WASHC2C: variants seen among roughly 807,000 people sequenced by gnomAD.
WASHC2C encodes WASH complex subunit 2C.
In WASHC2C, 73 loss-of-function variants were observed where a neutral mutation model predicts 142.2. The ratio of observed to expected loss-of-function variants is 0.51; its 90% CI spans 0.43 to 0.62. The LOEUF is 0.62. Ranked by LOEUF, WASHC2C falls within the 20% of genes least tolerant of loss-of-function variation. The probability of loss-of-function intolerance (pLI) is 0.00; values close to 1 mark genes in which losing one functional copy is unlikely to be tolerated. For missense variants in WASHC2C, 969 were observed against 1,531.7 expected, an observed-to-expected ratio of 0.63 and a Z score of 6.13; for synonymous variants, 337 against 565.5, an observed-to-expected ratio of 0.60 and a Z score of 5.73.
At chr10:45,740,716 C>T (rs1395904820) in intron 5 of WASHC2C, among the ~76,000 whole-genome samples, 3 of 152,288 alleles carry the variant, frequency 2.0e-5, no homozygotes, top group African/African-American at 4.8e-5. Flanking sequence ...GGGTTGTTTC[C>T]GGTTTGGGCA....
At chr10:45,727,738 C>G (rs942074981) in intron 2 of WASHC2C, among the ~76,000 whole-genome samples, 199 bp downstream of exon 2, 1 of 152,118 alleles carries the variant, frequency 6.6e-6, no homozygotes, top group African/African-American at 2.4e-5. Context: ...CTGACCGTGG[C>G]CCAGACGCGA....
At chr10:45,780,156 G>A (rs1312650198) in intron 23 of WASHC2C, among the ~76,000 whole-genome samples, 1 of 151,000 alleles carries the variant, frequency 6.6e-6, no homozygotes, top group Non-Finnish European at 1.5e-5. Flanking sequence ...AAAAAGGATT[G>A]CACATTATGA....
At chr10:45,762,415 T>C (rs1285496675) in intron 17 of WASHC2C, among the ~76,000 whole-genome samples, 1 of 151,516 alleles carries the variant, frequency 6.6e-6, no homozygotes, top group African/African-American at 2.4e-5. Context: ...AGGCTGGTCT[T>C]GAACTCCTGA....
rs559964051 is a variant in WASHC2C, at chr10:45,783,789, G to A, written c.2479-776G>A. Among the ~76,000 whole-genome samples the A allele has an allele frequency of 1.2e-3, 181 of 152,292 alleles. 1 individual carries two copies. Among genetic ancestry groups the A allele is most frequent in the African/African-American group, 4.3e-3 (178 of 41,564 alleles). Reference sequence around the variant, plus strand: ...TTGTTAAGTTTTAATCTGTGGCTGTGATAAGGAAATAGGGATGAATTTTAG... The same window carrying A: ...TTGTTAAGTTTTAATCTGTGGCTGTAATAAGGAAATAGGGATGAATTTTAG... On this transcript the variant is annotated intron_variant, in intron 23 of 30. Transcript: ENST00000623400.
intron 8 of WASHC2C, among the ~76,000 whole-genome samples, chr10:45,748,593 AAC>A (rs1276030395): frequency 3.3e-5 from 5 of 152,218 alleles, no homozygotes; most frequent in African/African-American, 1.2e-4. Flanking sequence ...CCCGGCCACA[AAC>A]AGTTTTTCAA....
chr10:45,773,892 C>CAAAAAAAAAAAAAAAAAAAAA, intron 21 of WASHC2C, among the ~76,000 whole-genome samples: 1 of 31,076 alleles, frequency 3.2e-5, no homozygotes, highest in Non-Finnish European at 6.0e-5. Context: ...TACTGCAGGC[C>CAAAAAAAAAAAAAAAAAAAAA]AAAAAAAAAA....
chr10:45,788,472 C>T (rs1371813939), intron 28 of WASHC2C, among the ~76,000 whole-genome samples: 3 of 152,170 alleles, frequency 2.0e-5, no homozygotes, highest in Admixed American at 1.3e-4. Context: ...CAGAATTCCC[C>T]GATTCTTTCT....
At chr10:45,776,188 A>G (rs2057062923) in intron 21 of WASHC2C, among the ~76,000 whole-genome samples, 1 of 152,036 alleles carries the variant, frequency 6.6e-6, no homozygotes, top group Admixed American at 6.6e-5. Context: ...ATCACATTTT[A>G]AAATCATGAT....
In WASHC2C at chr10:45,789,327, G is replaced by A. The variant is rs1243469440; in HGVS notation, c.3544G>A (p.Asp1182Asn). ...TGCTCTAGGCGAGGCCAGCAGTGATGATGATCTCTTTCAGTCTGCTAAACC... is the reference window on the plus strand; with the variant it reads ...TGCTCTAGGCGAGGCCAGCAGTGATAATGATCTCTTTCAGTCTGCTAAACC... ...FPALGEASSD[D>N]DLFQSAKPKP... is the part of the protein sequence containing the mutation. Residue 1182 changes from aspartate (D) to asparagine (N), a missense_variant, in exon 29 of 31, where the codon GAT becomes AAT. Physicochemically the swap from Asp to Asn is conservative, Grantham distance 23 (BLOSUM62 1). Coordinates refer to ENST00000623400, the MANE Select transcript of WASHC2C (RefSeq NM_001330074.2). 6 of 1,612,058 alleles carry A rather than the reference G, an allele frequency of 3.7e-6. No homozygotes were observed. Among genetic ancestry groups the A allele is most frequent in the Non-Finnish European group, 5.1e-6 (6 of 1,179,872 alleles).
chr10:45,782,738 G>T (rs1475934506), intron 23 of WASHC2C, among the ~76,000 whole-genome samples: 1 of 152,062 alleles, frequency 6.6e-6, no homozygotes, highest in Non-Finnish European at 1.5e-5. Context: ...CCATACAATG[G>T]AATATTATTT....
intron 20 of WASHC2C, chr10:45,771,526 A>C: frequency 1.0e-6 from 1 of 983,430 alleles, no homozygotes. Context: ...ATGAGTGTCC[A>C]CTACCCCCAC....
chr10:45,758,008 T>C, intron 16 of WASHC2C, among the ~76,000 whole-genome samples: 1 of 152,272 alleles, frequency 6.6e-6, no homozygotes. Flanking sequence ...TGTGTCTGCA[T>C]TGCATTTGGT....
intron 19 of WASHC2C, 84 bp from the exon 20 acceptor site, chr10:45,769,365 G>A (rs559206873): frequency 1.1e-4 from 156 of 1,457,670 alleles, no homozygotes; most frequent in Admixed American, 3.1e-4. Context: ...TGATTCACCC[G>A]CCTCGGCCTC....
intron 23 of WASHC2C, among the ~76,000 whole-genome samples, chr10:45,783,195 CA>C (rs2057656200): frequency 6.6e-6 from 1 of 150,948 alleles, no homozygotes; most frequent in African/African-American, 2.4e-5. Flanking sequence ...TTTATTTCTA[CA>C]AAAAATGTTA....
At chr10:45,784,311 T>TATATATACACAC (rs200659699) in intron 23 of WASHC2C, among the ~76,000 whole-genome samples, 1 of 58,150 alleles carries the variant, frequency 1.7e-5, no homozygotes, top group African/African-American at 6.6e-5. Context: ...TATATATATA[T>TATATATACACAC]ACACACACAT....
upstream of WASHC2C, chr10:45,727,159 A>T (rs2049939295): frequency 6.2e-6 from 9 of 1,441,508 alleles, no homozygotes; most frequent in Admixed American, 1.4e-4. Context: ...TCCTCCCCTC[A>T]GCATCGCAGG....
Position 45,788,942 on chromosome 10 carries a change from C to G in WASHC2C, c.3159C>G (p.Ser1053=). 6.2e-7 allele frequency: 1 copy of G among 1,612,054 alleles called. No homozygotes were observed. Among genetic ancestry groups the G allele is most frequent in the Non-Finnish European group, 8.5e-7 (1 of 1,179,876 alleles). ...CTAGGCGGCTGGCTGCTCAGGAGTC[C>G]AGCGAGGCTGAGGACATGAGCGTCC... ...RAARRLAAQE[S]SEAEDMSVPR... The change falls in exon 29 of 31, where the codon TCC becomes TCG. Residue 1053 remains serine (S), a synonymous_variant. Coordinates refer to ENST00000623400, the MANE Select transcript of WASHC2C (RefSeq NM_001330074.2).
intron 11 of WASHC2C, 60 bp downstream of exon 11, chr10:45,751,613 A>G (rs1238990728): frequency 2.7e-6 from 2 of 733,700 alleles, no homozygotes; most frequent in Admixed American, 5.8e-5. Flanking sequence ...AATGTTGCTT[A>G]CATAATTCAT....
chr10:45,729,255 T>G (rs1490478397), intron 3 of WASHC2C, among the ~76,000 whole-genome samples: 3 of 152,200 alleles, frequency 2.0e-5, no homozygotes, highest in Non-Finnish European at 4.4e-5. Flanking sequence ...CTTCAGTGCT[T>G]CCATCTTTTG....
Sources: allele counts gnomAD v4.1 joint callset (sites outside exome capture counted in the v4.1 genomes callset), GRCh38; gene constraint gnomAD v4.1.1; transcripts MANE v1.5; gene names NCBI Gene and HGNC (gene_info 2026-07-23, HGNC 2026-07-21).